DLAT: variants seen among roughly 807,000 people sequenced by gnomAD.
DLAT encodes dihydrolipoamide S-acetyltransferase, also known as dihydrolipoyllysine-residue acetyltransferase component of pyruvate dehydrogenase complex, mitochondrial.
DLAT carries 43 observed loss-of-function variants against 68.0 expected under a neutral mutation model. That is an observed-to-expected ratio of 0.63 (90% CI 0.50 to 0.81). The LOEUF (loss-of-function observed/expected upper bound fraction) is 0.81. Among genes scored for constraint, DLAT ranks in the 40% least tolerant of loss-of-function variants. The pLI, the probability that DLAT is intolerant of heterozygous loss-of-function variation, is 0.00. For synonymous variants in DLAT, 265 were observed against 288.6 expected (o/e 0.92, Z 0.83); for missense variants, 745 against 815.4 (o/e 0.91, Z 1.05).
chr11:112,025,674 A>T lies in DLAT; in HGVS notation c.202A>T (p.Thr68Ser), dbSNP rs782400444. ...LCGWTPSSGA[T>S]PRNRLLLQLL... is the part of the protein sequence containing the mutation. ...CGGCTGGACCCCCAGTTCTGGGGCCACGCCGCGGAACCGCTTACTGCTGCA... is the reference window on the plus strand; with the variant it reads ...CGGCTGGACCCCCAGTTCTGGGGCCTCGCCGCGGAACCGCTTACTGCTGCA... The change falls in exon 1 of 14, where the codon ACG becomes TCG. Residue 68 changes from threonine to serine, a missense_variant. Transcript: ENST00000280346. 1 of 1,612,984 alleles carries T rather than the reference A, an allele frequency of 6.2e-7. No individual in the cohort carries two copies. Among genetic ancestry groups the T allele is most frequent in the Admixed American group, 1.7e-5 (1 of 60,012 alleles).
Position 112,061,173 on chromosome 11 carries a change from G to C in DLAT, c.1813G>C (p.Gly605Arg). ...ACTGGTCCCTGCAGATAATGAAAAA[G>C]GGTAAGTGCCAAAATGGAGGGGAAG... ...DKLVPADNEK[G>R]FDVASMMSVT... The change falls in exon 13 of 14, where the codon GGG (glycine) becomes CGG (arginine). Residue 605 changes from glycine (G) to arginine (R), a missense_variant and splice_region_variant. Physicochemically the swap from Gly to Arg is moderately radical, Grantham distance 125. Coordinates refer to ENST00000280346, the MANE Select transcript of DLAT (RefSeq NM_001931.5). 5.6e-6 allele frequency: 9 copies of C among 1,614,018 alleles called. No homozygotes were observed. The highest frequency in any genetic ancestry group is 5.9e-6 in the Non-Finnish European group (7 of 1,179,994).
Position 112,028,924 on chromosome 11 carries a change from C to T in DLAT, c.639C>T (p.Ser213=), listed in dbSNP as rs1555179706. The change falls in exon 4 of 14, where the codon AGC becomes AGT. Residue 213 remains serine (S), a synonymous_variant. Transcript: ENST00000280346. Reference sequence around the variant, plus strand: ...CACCTTCTGCTCAGGCTCCTGGTAGCTCATATCCCCCTCACATGCAGGTGA... The same window carrying T: ...CACCTTCTGCTCAGGCTCCTGGTAGTTCATATCCCCCTCACATGCAGGTGA... The part of the protein sequence containing the change: ...PPTPSAQAPG[S]SYPPHMQVLL... 1 of 1,614,030 alleles carries T rather than the reference C, an allele frequency of 6.2e-7. No individual in the cohort carries two copies. The highest frequency in any genetic ancestry group is 1.3e-5 in the African/African-American group (1 of 74,918).
At chr11:112,038,995 G>A (rs1555180774) in intron 6 of DLAT, among the ~76,000 whole-genome samples, 3 of 152,152 alleles carry the variant, frequency 2.0e-5, no homozygotes, top group Admixed American at 2.0e-4. Flanking sequence ...ATTCAATTCT[G>A]TGCTTCATGT....
At chr11:112,050,078 A>G (rs929827436) in intron 10 of DLAT, among the ~76,000 whole-genome samples, 1 of 152,202 alleles carries the variant, frequency 6.6e-6, no homozygotes, top group South Asian at 2.1e-4. Context: ...TGATCATGAA[A>G]AGGGGTATTG....
At chr11:112,045,743 A>G in intron 9 of DLAT, 120 bp from the exon 10 acceptor site, 1 of 682,238 alleles carries the variant, frequency 1.5e-6, no homozygotes, top group Non-Finnish European at 2.5e-6. Flanking sequence ...TCCATCTTTC[A>G]ATTATAATAA....
At chr11:112,052,119 A>G (rs1863675201) in intron 11 of DLAT, among the ~76,000 whole-genome samples, 1 of 151,152 alleles carries the variant, frequency 6.6e-6, no homozygotes, top group African/African-American at 2.4e-5. Context: ...AGATGCTTCT[A>G]TGTTATTCTT....
intron 9 of DLAT, 86 bp from the exon 10 acceptor site, chr11:112,045,777 G>C: frequency 1.2e-6 from 1 of 804,878 alleles, no homozygotes; most frequent in South Asian, 1.4e-5. Flanking sequence ...TATTAGCAGA[G>C]AGTAAGGTGA....
intron 11 of DLAT, among the ~76,000 whole-genome samples, chr11:112,058,242 T>C (rs1864234313): frequency 6.6e-6 from 1 of 152,236 alleles, no homozygotes; most frequent in Non-Finnish European, 1.5e-5. Context: ...GGGAAGATGA[T>C]TGAACAAGCA....
chr11:112,055,848 CTTTTTTTTTTTTTTTT>C lies in DLAT; in HGVS notation c.1515-4032_1515-4017del, dbSNP rs71060212. Among the ~76,000 whole-genome samples, 87 of 31,972 alleles carry C rather than the reference CTTTTTTTTTTTTTTTT, an allele frequency of 2.7e-3. 1 individual carries two copies. Among genetic ancestry groups the C allele is most frequent in the Admixed American group, 5.8e-3 (12 of 2,064 alleles). 21.0% of individuals were successfully genotyped at this position (31,972 alleles called of 152,430 possible). A position where few individuals can be genotyped will look rare whatever the true frequency, so the allele number is the denominator to read the frequency against. ...TCTCCTCTGTGCCAGCATATAGACACTTTTTTTTTTTTTTTTTTTTTTTTTTTTTTTTTTTTTTGAG... is the reference window on the plus strand; with the variant it reads ...TCTCCTCTGTGCCAGCATATAGACACTTTTTTTTTTTTTTTTTTTTTTGAG... On this transcript the variant is annotated intron_variant, in intron 11 of 13. Transcript: ENST00000280346.
intron 11 of DLAT, among the ~76,000 whole-genome samples, chr11:112,053,714 A>C (rs1555182206): frequency 6.6e-6 from 1 of 152,152 alleles, no homozygotes. Context: ...TGGCCTCCCA[A>C]AGTGCTGGGA....
rs148468657 is a variant in DLAT, at chr11:112,049,450, T to A, written c.1399-1784T>A. 2.0e-5 allele frequency among the ~76,000 whole-genome samples: 3 copies of A among 152,360 alleles called. No individual in the cohort carries two copies. In the East Asian group the frequency reaches 5.8e-4, roughly 29 times the overall value. On this transcript the variant is annotated intron_variant, in intron 10 of 13. Coordinates refer to ENST00000280346, the MANE Select transcript of DLAT (RefSeq NM_001931.5). ...TTTTCAGAGTGTAAGTTTTGCACTC[T>A]AAATTTGCATTTGTTAAACTTATTT...
intron 10 of DLAT, among the ~76,000 whole-genome samples, chr11:112,047,330 A>G (rs1863372589): frequency 6.6e-6 from 1 of 151,952 alleles, no homozygotes; most frequent in Non-Finnish European, 1.5e-5. Context: ...TTTCTTGTAA[A>G]TTTGTTTAAG....
rs928792705 is a variant in DLAT at position 112,045,792 on chromosome 11, A to G, written c.1291-71A>G. The G allele has an allele frequency of 9.7e-6, 9 of 927,210 alleles. No individual in the cohort carries two copies. The African/African-American group carries it at 1.3e-4, about 13-fold the overall frequency. The allele number at this position is 927,210 out of a possible 1,614,324, so 57.4% of individuals were successfully genotyped here. A position where few individuals can be genotyped will look rare whatever the true frequency, so the allele number is the denominator to read the frequency against. On this transcript the variant is annotated intron_variant, in intron 9 of 13. Coordinates refer to ENST00000280346, the MANE Select transcript of DLAT (RefSeq NM_001931.5). ...TATTAGCAGAGAGTAAGGTGAAGAGACAAACAGAGCCCTAAATTAGTTAAG... is the reference window on the plus strand; with the variant it reads ...TATTAGCAGAGAGTAAGGTGAAGAGGCAAACAGAGCCCTAAATTAGTTAAG...
chr11:112,038,130 T>A (rs114663375), intron 6 of DLAT, among the ~76,000 whole-genome samples: 393 of 152,292 alleles, frequency 2.6e-3, no homozygotes, highest in African/African-American at 8.8e-3. Flanking sequence ...AACATTTCTA[T>A]AAGAGAAAAG....
intron 7 of DLAT, among the ~76,000 whole-genome samples, chr11:112,040,148 A>G (rs141052831): frequency 6.6e-6 from 1 of 152,196 alleles, no homozygotes; most frequent in African/African-American, 2.4e-5. Context: ...TATTGATATT[A>G]CTGCCTGGTG....
chr11:112,035,749 A>G (rs1427374285), intron 5 of DLAT, among the ~76,000 whole-genome samples: 10 of 146,144 alleles, frequency 6.8e-5, no homozygotes, highest in Admixed American at 5.5e-4. Context: ...GTGCCTCCCA[A>G]AGTGCTGGGA....
chr11:112,058,166 T>G (rs1864226334), intron 11 of DLAT, among the ~76,000 whole-genome samples: 1 of 152,236 alleles, frequency 6.6e-6, no homozygotes, highest in South Asian at 2.1e-4. Flanking sequence ...AACATTTATT[T>G]AACATGTACT....
chr11:112,045,777 G>A (rs1179375034), intron 9 of DLAT, 86 bp from the exon 10 acceptor site: 26 of 804,768 alleles, frequency 3.2e-5, no homozygotes, highest in Non-Finnish European at 4.5e-5. Flanking sequence ...TATTAGCAGA[G>A]AGTAAGGTGA....
intron 11 of DLAT, among the ~76,000 whole-genome samples, chr11:112,057,693 G>A (rs587737820): frequency 1.3e-5 from 2 of 152,280 alleles, no homozygotes; most frequent in East Asian, 3.9e-4. Context: ...GCAGAGGTTG[G>A]CTCATGAGGT....
Sources: allele counts gnomAD v4.1 joint callset (sites outside exome capture counted in the v4.1 genomes callset), GRCh38; gene constraint gnomAD v4.1.1; transcripts MANE v1.5; gene names NCBI Gene and HGNC (gene_info 2026-07-23, HGNC 2026-07-21).